Variants in FBXO36 observed in about 807,000 individuals in gnomAD.
FBXO36 encodes the protein F-box only protein 36.
A neutral mutation model predicts 17.0 loss-of-function variants in FBXO36; 18 were observed. The observed-to-expected ratio is 1.06, with a 90% CI of 0.73 to 1.57. The LOEUF (loss-of-function observed/expected upper bound fraction) is 1.57, where lower values mean the gene tolerates loss of function less well. Among genes scored for constraint, FBXO36 ranks in the 40% most tolerant of loss-of-function variants. The pLI, the probability that FBXO36 is intolerant of heterozygous loss-of-function variation, is 0.00. For synonymous variants in FBXO36, 83 were observed against 85.3 expected, an observed-to-expected ratio of 0.97 and a Z score of 0.15; for missense variants, 229 against 221.9, an observed-to-expected ratio of 1.03 and a Z score of -0.20.
chr2:229,958,547 G>A (rs2077103808), intron 1 of FBXO36, among the ~76,000 whole-genome samples: 1 of 152,154 alleles, frequency 6.6e-6, no homozygotes, highest in South Asian at 2.1e-4. Context: ...GGGATTACAG[G>A]CGCGAGCCAC....
intron 2 of FBXO36, among the ~76,000 whole-genome samples, chr2:229,992,164 C>CTT (rs1029720343): frequency 1.4e-5 from 2 of 145,578 alleles, no homozygotes; most frequent in Admixed American, 6.9e-5. Flanking sequence ...CTCATTTAAT[C>CTT]TTTTTTTTTT....
intron 2 of FBXO36, among the ~76,000 whole-genome samples, chr2:229,991,153 C>CT (rs1333751424): frequency 2.0e-5 from 3 of 152,176 alleles, no homozygotes; most frequent in African/African-American, 7.2e-5. Context: ...CCAGGCTGGT[C>CT]TAGAACTCAT....
chr2:229,992,250 C>T (rs1318401037), intron 2 of FBXO36, among the ~76,000 whole-genome samples: 6 of 151,866 alleles, frequency 4.0e-5, no homozygotes, highest in Non-Finnish European at 8.8e-5. Flanking sequence ...CTCTGCCTCC[C>T]GGGTTCAAGC....
intron 2 of FBXO36, among the ~76,000 whole-genome samples, chr2:229,989,637 C>T (rs2077288224): frequency 6.6e-6 from 1 of 151,842 alleles, no homozygotes; most frequent in Admixed American, 6.6e-5. Context: ...TCTCAGCTCA[C>T]TGCAACCTCT....
intron 2 of FBXO36, among the ~76,000 whole-genome samples, chr2:229,986,707 G>A (rs1177818671): frequency 1.3e-5 from 2 of 150,924 alleles, no homozygotes; most frequent in Admixed American, 1.3e-4. Context: ...GCTAATTTTT[G>A]TATTTTTAGT....
chr2:229,990,049 C>T (rs1024913686), intron 2 of FBXO36, among the ~76,000 whole-genome samples: 1 of 151,638 alleles, frequency 6.6e-6, no homozygotes, highest in Admixed American at 6.6e-5. Context: ...CTAGTTCTGC[C>T]GCTTTCTCAT....
chr2:229,957,445 C>T (rs1461968938), intron 1 of FBXO36, among the ~76,000 whole-genome samples: 5 of 152,208 alleles, frequency 3.3e-5, no homozygotes, highest in Admixed American at 1.3e-4. Context: ...GGCGTGGTGG[C>T]GGGCGCCTGT....
At chr2:229,945,496 G>T (rs189409758) in intron 1 of FBXO36, among the ~76,000 whole-genome samples, 1 of 151,788 alleles carries the variant, frequency 6.6e-6, no homozygotes, top group Non-Finnish European at 1.5e-5. Flanking sequence ...TGATAGAGAC[G>T]CATTTCACCA....
At chr2:229,958,704 G>T (rs1007096237) in intron 1 of FBXO36, among the ~76,000 whole-genome samples, 1 of 152,160 alleles carries the variant, frequency 6.6e-6, no homozygotes, top group Non-Finnish European at 1.5e-5. Flanking sequence ...CTGCACTTGG[G>T]AGTGATGTCT....
intron 1 of FBXO36, among the ~76,000 whole-genome samples, chr2:229,969,502 C>T (rs756895986): frequency 2.0e-5 from 3 of 152,018 alleles, no homozygotes; most frequent in Admixed American, 2.0e-4. Context: ...TCCTGGCTAA[C>T]GCGGTGAAAC....
intron 2 of FBXO36, among the ~76,000 whole-genome samples, chr2:229,980,093 G>T (rs2077230150): frequency 6.6e-6 from 1 of 151,850 alleles, no homozygotes; most frequent in Non-Finnish European, 1.5e-5. Context: ...TGTCGCCTAG[G>T]GTGGACGGCA....
At chr2:229,931,935 T>TTTA (rs375589641) in intron 1 of FBXO36, among the ~76,000 whole-genome samples, 9 of 151,426 alleles carry the variant, frequency 5.9e-5, no homozygotes, top group Non-Finnish European at 8.9e-5. Context: ...TTTTTTTTTT[T>TTTA]AGACAGGGTC....
Position 229,927,751 on chromosome 2 carries a change from G to GA in FBXO36, c.96+5157dup, listed in dbSNP as rs796788553. Reference sequence around the variant, plus strand: ...AAGATATATGAAGCTAGTGTCATTTGAAAAAAAAAAAAAAATGAAAAAGCT... The same window carrying GA: ...AAGATATATGAAGCTAGTGTCATTTGAAAAAAAAAAAAAAAATGAAAAAGCT... On this transcript the variant is annotated intron_variant, in intron 1 of 3. Transcript: ENST00000283946. Among the ~76,000 whole-genome samples, 712 of 115,254 alleles carry GA rather than the reference G, an allele frequency of 6.2e-3. 3 individuals are homozygous for GA. Among genetic ancestry groups the GA allele is most frequent in the African/African-American group, 9.3e-3 (292 of 31,328 alleles). 75.6% of individuals were successfully genotyped at this position (115,254 alleles called of 152,430 possible).
intron 1 of FBXO36, among the ~76,000 whole-genome samples, chr2:229,936,464 T>G (rs955156801): frequency 3.3e-5 from 5 of 152,198 alleles, no homozygotes; most frequent in Admixed American, 1.3e-4. Flanking sequence ...CTATGTAAAT[T>G]TATGCTTATC....
chr2:229,936,046 G>C (rs1034129430), intron 1 of FBXO36, among the ~76,000 whole-genome samples: 2 of 152,116 alleles, frequency 1.3e-5, no homozygotes, highest in Admixed American at 1.3e-4. Context: ...AAATTAGCTG[G>C]GTGTGGTGGT....
At chr2:229,971,669 CTGTT>C (rs1379355504) in intron 1 of FBXO36, among the ~76,000 whole-genome samples, 4 of 152,008 alleles carry the variant, frequency 2.6e-5, no homozygotes, top group African/African-American at 9.7e-5. Context: ...CACATCCACT[CTGTT>C]TGAAGATAAT....
intron 2 of FBXO36, among the ~76,000 whole-genome samples, chr2:229,984,074 G>T (rs2077254556): frequency 6.6e-6 from 1 of 152,170 alleles, no homozygotes; most frequent in Non-Finnish European, 1.5e-5. Flanking sequence ...ATCAGGTTGG[G>T]CGCGGTGGCT....
intron 1 of FBXO36, among the ~76,000 whole-genome samples, chr2:229,928,201 C>T (rs1292668606): frequency 6.6e-6 from 1 of 152,164 alleles, no homozygotes; most frequent in African/African-American, 2.4e-5. Flanking sequence ...CCATAGAATA[C>T]TATCCAACTT....
intron 1 of FBXO36, among the ~76,000 whole-genome samples, chr2:229,923,845 T>TTG (rs1232304911): frequency 7.3e-6 from 1 of 136,188 alleles, no homozygotes; most frequent in African/African-American, 2.8e-5. Context: ...TTTTTTGGTG[T>TTG]TGTTTTTTTT....
Sources: gnomAD v4.1 joint callset for allele counts (sites outside exome capture counted in the v4.1 genomes callset) on GRCh38, gnomAD v4.1.1 for gene constraint, MANE v1.5 for transcripts, NCBI Gene and HGNC (gene_info 2026-07-23, HGNC 2026-07-21) for gene names.